Variants in TAF4B observed in about 807,000 individuals in gnomAD.
The protein encoded by TAF4B is TATA-box binding protein associated factor 4b, also known as transcription initiation factor TFIID subunit 4B.
A neutral mutation model predicts 86.4 loss-of-function variants in TAF4B; 38 were observed. That is an observed-to-expected ratio of 0.44 (90% CI 0.34 to 0.58). The LOEUF (loss-of-function observed/expected upper bound fraction) is 0.58. Ranked by LOEUF, TAF4B falls within the 20% of genes least tolerant of loss-of-function variation. The pLI, the probability that TAF4B is intolerant of heterozygous loss-of-function variation, is 0.02. For missense variants in TAF4B, 988 were observed against 1,027.6 expected (o/e 0.96, Z 0.53); for synonymous variants, 388 against 391.2 (o/e 0.99, Z 0.10).
chr18:26,254,982 G>A (rs981562042), intron 1 of TAF4B, among the ~76,000 whole-genome samples: 1 of 152,110 alleles, frequency 6.6e-6, no homozygotes, highest in Non-Finnish European at 1.5e-5. Flanking sequence ...ATTATTAACA[G>A]CTGCCTCTAG....
rs144122218 is a variant in TAF4B at position 26,305,817 on chromosome 18, G to A, written c.1833-9412G>A. Among the ~76,000 whole-genome samples, 836 of 151,570 alleles carry A rather than the reference G, an allele frequency of 5.5e-3. 4 individuals carry two copies. The highest frequency in any genetic ancestry group is 8.6e-3 in the Non-Finnish European group (586 of 67,934). On this transcript the variant is annotated intron_variant, in intron 9 of 14. Transcript: ENST00000269142. Reference sequence around the variant, plus strand: ...TAATTTTACTTGTTATTTTTCTCTCGTGCATGAATTTTAGAATCAGCATGG... The same window carrying A: ...TAATTTTACTTGTTATTTTTCTCTCATGCATGAATTTTAGAATCAGCATGG...
intron 1 of TAF4B, among the ~76,000 whole-genome samples, chr18:26,236,225 G>A (rs1271048069): frequency 1.3e-5 from 2 of 152,188 alleles, no homozygotes; most frequent in East Asian, 1.9e-4. Flanking sequence ...AGAAAGGCAC[G>A]TGAAAAGAGC....
chr18:26,363,829 C>T (rs2057349391), intron 14 of TAF4B, among the ~76,000 whole-genome samples: 1 of 152,048 alleles, frequency 6.6e-6, no homozygotes, highest in South Asian at 2.1e-4. Context: ...CATATAATCC[C>T]AGAGAGAAGT....
intron 13 of TAF4B, among the ~76,000 whole-genome samples, chr18:26,354,293 G>A (rs1040921570): frequency 5.3e-5 from 8 of 152,096 alleles, no homozygotes; most frequent in African/African-American, 1.9e-4. Context: ...AGGCTGGTGC[G>A]AACTCCTGAC....
intron 9 of TAF4B, among the ~76,000 whole-genome samples, chr18:26,297,070 G>C (rs1378822409): frequency 6.6e-6 from 1 of 151,786 alleles, no homozygotes; most frequent in African/African-American, 2.4e-5. Context: ...ACCCTGGGAG[G>C]TTGCAGTGAG....
intron 13 of TAF4B, among the ~76,000 whole-genome samples, chr18:26,352,338 A>C (rs1239377388): frequency 6.6e-6 from 1 of 151,970 alleles, no homozygotes; most frequent in Non-Finnish European, 1.5e-5. Context: ...TTACATTAGA[A>C]AAGAAGAAAG....
intron 12 of TAF4B, among the ~76,000 whole-genome samples, chr18:26,333,497 C>T (rs922453465): frequency 6.6e-6 from 1 of 152,192 alleles, no homozygotes; most frequent in Non-Finnish European, 1.5e-5. Flanking sequence ...GCTGTCTACC[C>T]ACCCACCTCA....
At chr18:26,289,459 C>T (rs933339218) in intron 7 of TAF4B, among the ~76,000 whole-genome samples, 2 of 151,926 alleles carry the variant, frequency 1.3e-5, no homozygotes, top group African/African-American at 2.4e-5. Flanking sequence ...TTCTCATTTG[C>T]GTTTGTTTTG....
In TAF4B at chr18:26,267,604, C is replaced by T. The variant is rs767453054; in HGVS notation, c.578C>T (p.Pro193Leu). Residue 193 changes from proline (P) to leucine (L), a missense_variant, in exon 3 of 15, where the codon CCG becomes CTG. By Grantham distance (98) the Pro-to-Leu change is moderately conservative (BLOSUM62 -3). Around this residue, in one of 3 missense-constraint regions of TAF4B, gnomAD observed 747 missense variants for 737.9 expected, o/e 1.01. Transcript: ENST00000269142. ...QIGTTVVTTVPKPSSVQSVAV... is the reference protein window; with the variant it reads ...QIGTTVVTTVLKPSSVQSVAV... The stretch of plus-strand genomic sequence containing the variant: ...GGAACTACTGTGGTAACCACTGTTC[C>T]GAAGCCTTCCTCAGTACAAGTAAGT... The T allele has an allele frequency of 1.8e-5, 29 of 1,613,312 alleles. No individual in the cohort carries two copies. The highest frequency in any genetic ancestry group is 1.6e-4 in the Middle Eastern group (1 of 6,084).
intron 9 of TAF4B, chr18:26,305,008 GTTT>G: frequency 1.8e-6 from 1 of 543,900 alleles, no homozygotes; most frequent in Non-Finnish European, 2.3e-6. Context: ...TTTTCTCCTA[GTTT>G]TTTGTTTAAC....
chr18:26,238,959 TG>T (rs982199709), intron 1 of TAF4B, among the ~76,000 whole-genome samples: 19 of 152,236 alleles, frequency 1.2e-4, no homozygotes, highest in Admixed American at 1.2e-3. Flanking sequence ...ATAGTGTATA[TG>T]TGCCACATTT....
intron 13 of TAF4B, among the ~76,000 whole-genome samples, chr18:26,357,074 G>T (rs2057294061): frequency 6.6e-6 from 1 of 151,996 alleles, no homozygotes; most frequent in Admixed American, 6.6e-5. Flanking sequence ...GTACTAAAGA[G>T]GTTTTTAATG....
At chr18:26,251,823 G>T (rs192171301) in intron 1 of TAF4B, among the ~76,000 whole-genome samples, 1 of 152,220 alleles carries the variant, frequency 6.6e-6, no homozygotes, top group Non-Finnish European at 1.5e-5. Context: ...TAAATAATTG[G>T]TTAAGGTTGC....
Position 26,296,922 on chromosome 18 carries a change from T to G in TAF4B, c.1832+3391T>G, listed in dbSNP as rs529859857. Among the ~76,000 whole-genome samples the G allele has an allele frequency of 2.2e-4, 4 of 18,522 alleles. No homozygotes were observed. In the East Asian group the frequency reaches 0.045, roughly 210 times the overall value. 12.2% of individuals were successfully genotyped at this position (18,522 alleles called of 152,430 possible). On this transcript the variant is annotated intron_variant, in intron 9 of 14. Transcript: ENST00000269142. The stretch of plus-strand genomic sequence containing the variant: ...TGGGAGGCCGAGGCAGGTGGATCAC[T>G]TGAGTCAAGAGTTCGAGACCAGCCT...
chr18:26,377,314 T>C (rs765788206), intron 14 of TAF4B, among the ~76,000 whole-genome samples: 1 of 152,206 alleles, frequency 6.6e-6, no homozygotes, highest in African/African-American at 2.4e-5. Flanking sequence ...CTGTGCTCTT[T>C]GGGAAAACTT....
intron 14 of TAF4B, among the ~76,000 whole-genome samples, chr18:26,380,797 A>AT (rs1380117880): frequency 0.023 from 3,357 of 143,808 alleles, 94 homozygotes; most frequent in African/African-American, 0.073. Flanking sequence ...TTGAGTTTTG[A>AT]TTTTTTTTTT....
chr18:26,312,985 A>G (rs901325066), intron 9 of TAF4B, among the ~76,000 whole-genome samples: 2 of 152,228 alleles, frequency 1.3e-5, no homozygotes, highest in Non-Finnish European at 2.9e-5. Context: ...GGTATAAAGT[A>G]AGCCTTCTTC....
intron 12 of TAF4B, 31 bp downstream of exon 12, chr18:26,327,171 T>C (rs774520701): frequency 1.2e-6 from 2 of 1,603,046 alleles, no homozygotes; most frequent in Admixed American, 1.7e-5. Context: ...TGAGTGAATG[T>C]GGCCTGGCAG....
intron 13 of TAF4B, among the ~76,000 whole-genome samples, chr18:26,347,099 T>G (rs1193957039): frequency 2.0e-5 from 3 of 150,386 alleles, no homozygotes; most frequent in African/African-American, 7.3e-5. Context: ...GTTTTGTATT[T>G]TCAGTAGAGA....
Sources: gnomAD v4.1 joint callset for allele counts (sites outside exome capture counted in the v4.1 genomes callset) on GRCh38, gnomAD v4.1.1 for gene constraint, gnomAD v4.1.1 regional missense constraint, MANE v1.5 for transcripts, NCBI Gene and HGNC (gene_info 2026-07-23, HGNC 2026-07-21) for gene names.